Variants in ERC1 observed in about 807,000 individuals in gnomAD.
ERC1 encodes the protein RAB6 interacting protein 2.
Under a neutral mutation model 132.0 loss-of-function variants are expected in ERC1, and 56 were observed. The observed-to-expected ratio is 0.42, with a 90% confidence interval of 0.34 to 0.53. ERC1 has a LOEUF of 0.53. ERC1 is among the 20% of genes least tolerant of loss of function. The pLI, the probability that ERC1 is intolerant of heterozygous loss-of-function variation, is 0.03. For missense variants in ERC1, 1,202 were observed against 1,349.9 expected (o/e 0.89, Z 1.72); for synonymous variants, 478 against 476.1 (o/e 1.00, Z -0.05).
At chr12:1,440,418 G>A (rs560296311) in intron 17 of ERC1, among the ~76,000 whole-genome samples, 36 of 150,652 alleles carry the variant, frequency 2.4e-4, no homozygotes, top group South Asian at 1.5e-3. Context: ...GTGTTAGCCA[G>A]GATGGTCTCG....
intron 15 of ERC1, among the ~76,000 whole-genome samples, chr12:1,351,078 C>T (rs2084951441): frequency 6.6e-6 from 1 of 152,202 alleles, no homozygotes; most frequent in South Asian, 2.1e-4. Context: ...CACCTCCCAA[C>T]ACCATCATAC....
chr12:1,272,767 G>A (rs2077953966), intron 14 of ERC1, among the ~76,000 whole-genome samples: 1 of 151,892 alleles, frequency 6.6e-6, no homozygotes, highest in Non-Finnish European at 1.5e-5. Flanking sequence ...GGCCAAGATG[G>A]TGAAGCCCCA....
intron 18 of ERC1, among the ~76,000 whole-genome samples, chr12:1,461,774 G>A (rs908213005): frequency 6.6e-6 from 1 of 152,036 alleles, no homozygotes; most frequent in Non-Finnish European, 1.5e-5. Flanking sequence ...TAACCAAAAG[G>A]CACCTAACAT....
intron 1 of ERC1, among the ~76,000 whole-genome samples, chr12:1,007,611 A>G (rs2154136574): frequency 1.3e-5 from 2 of 151,596 alleles, no homozygotes; most frequent in South Asian, 4.2e-4. Flanking sequence ...ATGGGGAGGA[A>G]GAAGACTAAA....
chr12:1,272,458 C>G (rs891200961), intron 14 of ERC1, among the ~76,000 whole-genome samples: 1 of 152,188 alleles, frequency 6.6e-6, no homozygotes, highest in Non-Finnish European at 1.5e-5. Context: ...AATTCTTGTC[C>G]TCTCCCCAAT....
rs984303135 is a variant in ERC1 at position 1,136,667 on chromosome 12, G to A, written c.1570-4953G>A. On this transcript the variant is annotated intron_variant, in intron 7 of 18. Coordinates refer to ENST00000360905, the MANE Select transcript of ERC1 (RefSeq NM_178040.4). ...TTAAGCCTCTTATTTTAGCAGGCAAGGATTTATGATCTACTATCTTTTCAG... is the reference window on the plus strand; with the variant it reads ...TTAAGCCTCTTATTTTAGCAGGCAAAGATTTATGATCTACTATCTTTTCAG... Among the ~76,000 whole-genome samples the A allele has an allele frequency of 3.3e-5, 5 of 152,148 alleles. No homozygotes were observed. The South Asian group carries it at 8.3e-4, about 25-fold the overall frequency.
chr12:1,125,687 C>T (rs901898594), intron 7 of ERC1, among the ~76,000 whole-genome samples: 1 of 152,134 alleles, frequency 6.6e-6, no homozygotes, highest in Non-Finnish European at 1.5e-5. Flanking sequence ...CGGTGGTGCG[C>T]ACCTGTAATC....
intron 13 of ERC1, among the ~76,000 whole-genome samples, chr12:1,251,982 C>G (rs1339150264): frequency 6.6e-6 from 1 of 151,636 alleles, no homozygotes; most frequent in Non-Finnish European, 1.5e-5. Context: ...TCTTTTTTTT[C>G]TTAAATTTTA....
Position 1,146,308 on chromosome 12 carries a change from G to GTTTTTTTTTTTTTTTTTTTT in ERC1, c.1737+4527_1737+4546dup, listed in dbSNP as rs1172108036. 3.8e-4 allele frequency among the ~76,000 whole-genome samples: 12 copies of GTTTTTTTTTTTTTTTTTTTT among 31,794 alleles called. 2 individuals carry two copies. The highest frequency in any genetic ancestry group is 8.8e-4 in the African/African-American group (7 of 7,998). 20.9% of individuals were successfully genotyped at this position (31,794 alleles called of 152,430 possible). A position where few individuals can be genotyped will look rare whatever the true frequency, so the allele number is the denominator to read the frequency against. On this transcript the variant is annotated intron_variant, in intron 8 of 18. Coordinates refer to ENST00000360905, the MANE Select transcript of ERC1 (RefSeq NM_178040.4). Reference sequence around the variant, plus strand: ...ATTTCCTTGTTTAGGTATTTTACTGGTTTTTTTTTTTTTTTTTTTTTTTTT... The same window carrying GTTTTTTTTTTTTTTTTTTTT: ...ATTTCCTTGTTTAGGTATTTTACTGGTTTTTTTTTTTTTTTTTTTTTTTTTTTTTTTTTTTTTTTTTTTTT...
chr12:1,331,363 A>G (rs1263807073), intron 15 of ERC1, among the ~76,000 whole-genome samples: 1 of 152,200 alleles, frequency 6.6e-6, no homozygotes. Context: ...ATAAGGTATC[A>G]TATTGGGTGA....
chr12:1,280,896 A>G (rs1384098745), intron 14 of ERC1, among the ~76,000 whole-genome samples: 1 of 152,166 alleles, frequency 6.6e-6, no homozygotes, highest in Admixed American at 6.5e-5. Context: ...GTGTCATTTT[A>G]TTTGCCAACA....
chr12:1,021,474 C>T (rs1042274143), intron 1 of ERC1, among the ~76,000 whole-genome samples: 9 of 151,244 alleles, frequency 6.0e-5, no homozygotes, highest in South Asian at 2.1e-4. Flanking sequence ...TTTGGGAGGC[C>T]GAGGTGGGCG....
chr12:1,097,051 T>C (rs1467579191), intron 3 of ERC1, among the ~76,000 whole-genome samples: 2 of 152,242 alleles, frequency 1.3e-5, no homozygotes, highest in African/African-American at 4.8e-5. Context: ...TTTTCAAAAA[T>C]ATGCTTTAAA....
At chr12:1,167,472 C>A (rs1219399768) in intron 8 of ERC1, among the ~76,000 whole-genome samples, 2 of 152,144 alleles carry the variant, frequency 1.3e-5, no homozygotes, top group Non-Finnish European at 2.9e-5. Flanking sequence ...ATGAAGCAGC[C>A]TTTTATGCTC....
intron 12 of ERC1, among the ~76,000 whole-genome samples, chr12:1,195,873 C>CTG: frequency 7.8e-6 from 1 of 128,086 alleles, no homozygotes; most frequent in Non-Finnish European, 1.6e-5. Context: ...GTACTTATTT[C>CTG]CGCCCCCCCC....
chr12:1,451,829 C>T (rs977496265), intron 18 of ERC1, among the ~76,000 whole-genome samples: 45 of 152,002 alleles, frequency 3.0e-4, no homozygotes, highest in Admixed American at 9.8e-4. Flanking sequence ...CAAAGTGTGA[C>T]GACTATATTT....
chr12:1,225,450 ACACACACACACACACACAC>A (rs2074495746), intron 12 of ERC1, among the ~76,000 whole-genome samples: 1 of 50,826 alleles, frequency 2.0e-5, no homozygotes, highest in African/African-American at 6.2e-5. Context: ...GCTGTCTCTT[ACACACACACACACACACAC>A]ACACACACAC....
chr12:1,124,274 C>G (rs1395104708), intron 7 of ERC1, among the ~76,000 whole-genome samples: 1 of 152,106 alleles, frequency 6.6e-6, no homozygotes, highest in Non-Finnish European at 1.5e-5. Flanking sequence ...AGTCACATGA[C>G]TTTGCACTCC....
chr12:1,049,051 A>G (rs768100243), intron 2 of ERC1, among the ~76,000 whole-genome samples: 6 of 152,260 alleles, frequency 3.9e-5, no homozygotes, highest in Non-Finnish European at 8.8e-5. Flanking sequence ...GCTTAATTTC[A>G]TAAAGCTACT....
Sources: gnomAD v4.1 joint callset for allele counts (sites outside exome capture counted in the v4.1 genomes callset) on GRCh38, gnomAD v4.1.1 for gene constraint, MANE v1.5 for transcripts, NCBI Gene and HGNC (gene_info 2026-07-23, HGNC 2026-07-21) for gene names.